CDH12: variants seen among roughly 807,000 people sequenced by gnomAD.
CDH12 encodes cadherin 12, also known as cadherin-12.
A neutral mutation model predicts 74.1 loss-of-function variants in CDH12; 41 were observed. The observed-to-expected ratio is 0.55, with a 90% CI of 0.43 to 0.72. The LOEUF (loss-of-function observed/expected upper bound fraction) is 0.72. CDH12 is among the 30% of genes least tolerant of loss of function. The pLI, the probability that CDH12 is intolerant of heterozygous loss-of-function variation, is 0.00. For synonymous variants in CDH12, 399 were observed against 355.0 expected, an observed-to-expected ratio of 1.12 and a Z score of -1.39; for missense variants, 945 against 977.2, an observed-to-expected ratio of 0.97 and a Z score of 0.44.
intron 1 of CDH12, among the ~76,000 whole-genome samples, chr5:22,789,228 T>C (rs1747791579): frequency 6.6e-6 from 1 of 152,022 alleles, no homozygotes; most frequent in Admixed American, 6.6e-5. Context: ...AGTTTTAACT[T>C]GATATTGTAA....
intron 6 of CDH12, among the ~76,000 whole-genome samples, chr5:21,919,625 T>C (rs925441106): frequency 6.6e-6 from 1 of 152,156 alleles, no homozygotes; most frequent in Non-Finnish European, 1.5e-5. Flanking sequence ...CCATTAGATG[T>C]CACCAATCTC....
At chr5:22,059,460 G>T (rs1741034573) in intron 5 of CDH12, among the ~76,000 whole-genome samples, 1 of 151,976 alleles carries the variant, frequency 6.6e-6, no homozygotes, top group African/African-American at 2.4e-5. Context: ...TATTTGAAAT[G>T]TATTTGTGAA....
chr5:22,723,417 G>A (rs901787420), intron 1 of CDH12, among the ~76,000 whole-genome samples: 2 of 152,090 alleles, frequency 1.3e-5, no homozygotes, highest in African/African-American at 2.4e-5. Context: ...GACAGAGGAT[G>A]AGTTAAAAGT....
At chr5:22,079,406 T>C (rs1055211252) in intron 4 of CDH12, among the ~76,000 whole-genome samples, 4 of 152,038 alleles carry the variant, frequency 2.6e-5, no homozygotes, top group South Asian at 2.1e-4. Flanking sequence ...AGAACCACAA[T>C]GTAGAGAATA....
At chr5:21,902,215 A>C (rs1237209253) in intron 6 of CDH12, among the ~76,000 whole-genome samples, 1 of 151,720 alleles carries the variant, frequency 6.6e-6, no homozygotes, top group African/African-American at 2.4e-5. Context: ...TGTTACTAGT[A>C]AACCAAATTG....
intron 1 of CDH12, among the ~76,000 whole-genome samples, chr5:22,597,780 T>C (rs1406060703): frequency 1.3e-5 from 2 of 152,206 alleles, no homozygotes; most frequent in Non-Finnish European, 2.9e-5. Context: ...TTAGGAGTTA[T>C]CTTTCATAAT....
chr5:21,884,392 G>T, intron 6 of CDH12: 2 of 1,038,708 alleles, frequency 1.9e-6, no homozygotes, highest in African/African-American at 1.6e-5. Flanking sequence ...TAACTTCAGA[G>T]AAGTCAGTTG....
At chr5:21,997,014 T>C (rs1161978711) in intron 5 of CDH12, among the ~76,000 whole-genome samples, 1 of 152,202 alleles carries the variant, frequency 6.6e-6, no homozygotes, top group Non-Finnish European at 1.5e-5. Flanking sequence ...ATAATGACAT[T>C]AATATTTTCT....
chr5:22,360,910 A>G (rs907595884), intron 3 of CDH12, among the ~76,000 whole-genome samples: 1 of 152,216 alleles, frequency 6.6e-6, no homozygotes, highest in African/African-American at 2.4e-5. Context: ...TCAGTAAATT[A>G]GGCATTGATG....
chr5:22,304,616 T>C (rs1017777439), intron 3 of CDH12, among the ~76,000 whole-genome samples: 5 of 152,208 alleles, frequency 3.3e-5, no homozygotes, highest in Non-Finnish European at 7.3e-5. Context: ...TTGTATCTTT[T>C]CCTGTGTTTA....
intron 1 of CDH12, among the ~76,000 whole-genome samples, chr5:22,766,052 T>C (rs1159866111): frequency 6.6e-6 from 1 of 151,776 alleles, no homozygotes; most frequent in Admixed American, 6.6e-5. Context: ...AATTAAGAAA[T>C]TGAAAATGAA....
Position 22,006,595 on chromosome 5 carries a change from G to A in CDH12, c.232-31210C>T, listed in dbSNP as rs1025367428. ...ACAGTTTTGAATCTTATGTCTGAAG[G>A]CTTTAGTGAGTTCACCTATAGATAT... is the stretch of plus-strand genomic sequence containing the variant. On this transcript the variant is annotated intron_variant, in intron 5 of 14. Coordinates refer to ENST00000382254, the MANE Select transcript of CDH12 (RefSeq NM_004061.5). Among the ~76,000 whole-genome samples, 181 of 152,140 alleles carry A rather than the reference G, an allele frequency of 1.2e-3. 1 individual carries two copies. Among genetic ancestry groups the A allele is most frequent in the African/African-American group, 4.1e-3 (169 of 41,510 alleles).
At chr5:22,595,583 C>T (rs1736564707) in intron 1 of CDH12, among the ~76,000 whole-genome samples, 1 of 152,096 alleles carries the variant, frequency 6.6e-6, no homozygotes, top group Non-Finnish European at 1.5e-5. Flanking sequence ...AAAGTAAACT[C>T]ATTAAGGGAA....
At position 22,562,500 on chromosome 5, in the gene CDH12, T is replaced by C. The variant is rs539835090; in HGVS notation, c.-522-57136A>G. Among the ~76,000 whole-genome samples, 228 of 152,156 alleles carry C rather than the reference T, an allele frequency of 1.5e-3. 1 individual carries two copies. The highest frequency in any genetic ancestry group is 2.5e-3 in the Non-Finnish European group (172 of 68,004). On this transcript the variant is annotated intron_variant, in intron 1 of 14. Coordinates refer to ENST00000382254, the MANE Select transcript of CDH12 (RefSeq NM_004061.5). ...CTCTCCTAATAAGCAATAAAATAAA[T>C]ATATGGATTTTCTACAAAAGAAAAG... is the stretch of plus-strand genomic sequence containing the variant.
intron 1 of CDH12, among the ~76,000 whole-genome samples, chr5:22,721,408 T>C (rs1743878098): frequency 6.6e-6 from 1 of 152,232 alleles, no homozygotes; most frequent in African/African-American, 2.4e-5. Context: ...TTTGGCCAAT[T>C]TCTCCCATTT....
At chr5:22,124,904 T>C (rs138018766) in intron 4 of CDH12, among the ~76,000 whole-genome samples, 1,980 of 152,350 alleles carry the variant, frequency 0.013, 35 homozygotes, top group African/African-American at 0.046. Context: ...GTTATAATTC[T>C]ATTACTGCAT....
intron 4 of CDH12, among the ~76,000 whole-genome samples, chr5:22,118,574 T>C (rs1039165939): frequency 6.6e-6 from 1 of 152,044 alleles, no homozygotes; most frequent in Non-Finnish European, 1.5e-5. Context: ...TTATGTCATG[T>C]GTGAAAGGTA....
rs554706783 is a variant in CDH12 at position 21,958,455 on chromosome 5, T to G, written c.526+16636A>C. Reference sequence around the variant, plus strand: ...TTGCATTTAAGTGTTTAATCCATCTTGAGTTGATTTTTGTATATTGTGTAA... The same window carrying G: ...TTGCATTTAAGTGTTTAATCCATCTGGAGTTGATTTTTGTATATTGTGTAA... On this transcript the variant is annotated intron_variant, in intron 6 of 14. Coordinates refer to ENST00000382254, the MANE Select transcript of CDH12 (RefSeq NM_004061.5). Among the ~76,000 whole-genome samples the G allele has an allele frequency of 2.0e-5, 3 of 152,314 alleles. No homozygotes were observed. In the South Asian group the frequency reaches 6.2e-4, roughly 32 times the overall value.
chr5:22,368,565 T>C (rs1266225879), intron 3 of CDH12, among the ~76,000 whole-genome samples: 1 of 151,318 alleles, frequency 6.6e-6, no homozygotes, highest in Non-Finnish European at 1.5e-5. Flanking sequence ...CAGTGTAGTG[T>C]ATGGATATTT....
Sources: allele counts gnomAD v4.1 joint callset (sites outside exome capture counted in the v4.1 genomes callset), GRCh38; gene constraint gnomAD v4.1.1; transcripts MANE v1.5; gene names NCBI Gene and HGNC (gene_info 2026-07-23, HGNC 2026-07-21).